TBC1D8B: variants seen among roughly 807,000 people sequenced by gnomAD.
TBC1D8B encodes the protein TBC1 domain family member 8B.
In TBC1D8B, 75 loss-of-function variants were observed where a neutral mutation model predicts 82.9. The ratio of observed to expected loss-of-function variants is 0.90; its 90% CI spans 0.75 to 1.10. TBC1D8B has a LOEUF of 1.10. Among genes scored for constraint, TBC1D8B ranks in the 50% least tolerant of loss-of-function variants. The pLI is 0.00. For missense variants in TBC1D8B, 794 were observed against 796.9 expected (o/e 1.00, Z 0.04); for synonymous variants, 276 against 276.8 (o/e 1.00, Z 0.03).
At chrX:106,825,267 G>T (rs978651631) in intron 5 of TBC1D8B, among the ~76,000 whole-genome samples, 4 of 111,895 alleles carry the variant, frequency 3.6e-5, no homozygotes, top group Admixed American at 9.5e-5. Flanking sequence ...TATGCAGGAA[G>T]AATGAATTTA....
chrX:106,862,748 T>C (rs1243764910), intron 14 of TBC1D8B, among the ~76,000 whole-genome samples: 3 of 107,681 alleles, frequency 2.8e-5, no homozygotes, highest in African/African-American at 1.0e-4. Context: ...ATCTCTGAAG[T>C]TGTTTTCCTT....
intron 7 of TBC1D8B, 196 bp downstream of exon 7, chrX:106,827,533 G>T: frequency 5.1e-6 from 2 of 395,181 alleles, no homozygotes; most frequent in Non-Finnish European, 4.3e-6. Context: ...TTCATTTTTA[G>T]GAACCCATAC....
intron 1 of TBC1D8B, chrX:106,814,213 T>G (rs1448467398): frequency 1.8e-5 from 2 of 111,482 alleles, no homozygotes; most frequent in Non-Finnish European, 3.8e-5. Context: ...CTGTATAGTA[T>G]TCCATGGTGT....
In TBC1D8B at chrX:106,875,554, T is replaced by A. The variant is rs749326466; in HGVS notation, c.*1589T>A. 1 of 112,321 alleles carries A rather than the reference T, an allele frequency of 8.9e-6. No individual in the cohort carries two copies. Among genetic ancestry groups the A allele is most frequent in the East Asian group, 2.8e-4 (1 of 3,587 alleles). The allele number at this position is 112,321 out of a possible 1,213,427, so 9.3% of individuals were successfully genotyped here. On this transcript the variant is annotated 3_prime_UTR_variant, in exon 21 of 21. Transcript: ENST00000357242. ...AGGAAATTACCACTTAAAGAGATAG[T>A]TGGTAAATAAACATCTATGCCTTTT...
At chrX:106,840,538 C>T in intron 9 of TBC1D8B, 132 bp from the exon 10 acceptor site, 2 of 595,204 alleles carry the variant, frequency 3.4e-6, no homozygotes, top group Non-Finnish European at 5.3e-6. Context: ...AAGCTCTTTT[C>T]TGTTTGTGCT....
chrX:106,855,942 G>A (rs986827686), intron 14 of TBC1D8B, among the ~76,000 whole-genome samples: 14 of 111,557 alleles, frequency 1.3e-4, no homozygotes, highest in East Asian at 5.6e-4. Context: ...AAGCTGCGAC[G>A]GGAGGATCAC....
intron 6 of TBC1D8B, 142 bp downstream of exon 6, chrX:106,826,379 T>A (rs934151005): frequency 2.4e-5 from 12 of 510,631 alleles, no homozygotes; most frequent in Non-Finnish European, 3.4e-5. Context: ...TTCTTCAGAA[T>A]AAGAGTACAG....
At chrX:106,854,377 C>A (rs1318046211) in intron 14 of TBC1D8B, 81 bp downstream of exon 14, 3 of 598,413 alleles carry the variant, frequency 5.0e-6, no homozygotes, top group South Asian at 1.1e-4. Context: ...ATCTTCTGGG[C>A]GAATAAAATG....
intron 6 of TBC1D8B, among the ~76,000 whole-genome samples, chrX:106,826,806 G>C (rs1401908086): frequency 9.0e-6 from 1 of 110,821 alleles, no homozygotes; most frequent in African/African-American, 3.3e-5. Context: ...CTTTCAGTAA[G>C]AGCTGTAAGA....
At chrX:106,848,119 G>A in intron 10 of TBC1D8B, 67 bp from the exon 11 acceptor site, 1 of 733,298 alleles carries the variant, frequency 1.4e-6, no homozygotes, top group East Asian at 3.4e-5. Flanking sequence ...AAACTATTAT[G>A]TTTGAAGAAG....
At chrX:106,857,198 G>A (rs1396615090) in intron 14 of TBC1D8B, among the ~76,000 whole-genome samples, 1 of 111,069 alleles carries the variant, frequency 9.0e-6, no homozygotes, top group African/African-American at 3.3e-5. Context: ...TGTCGCCCAG[G>A]CTGGAGTGCA....
chrX:106,821,739 C>A (rs767524600), intron 3 of TBC1D8B, among the ~76,000 whole-genome samples: 2 of 111,850 alleles, frequency 1.8e-5, no homozygotes, highest in South Asian at 7.5e-4. Context: ...TGCATCACTT[C>A]ATTTGAGTGG....
chrX:106,866,211 C>G (rs1348355704), intron 16 of TBC1D8B, among the ~76,000 whole-genome samples, 178 bp downstream of exon 16: 1 of 111,279 alleles, frequency 9.0e-6, no homozygotes, highest in Non-Finnish European at 1.9e-5. Context: ...TTATTTTCCC[C>G]AACCCTTTCA....
rs780663019 is a variant in TBC1D8B, at chrX:106,827,330, G to A, written c.1196G>A (p.Ser399Asn). 2 of 1,209,658 alleles carry A rather than the reference G, an allele frequency of 1.7e-6. No individual in the cohort carries two copies. Among genetic ancestry groups the A allele is most frequent in the Admixed American group, 2.2e-5 (1 of 45,859 alleles). The change falls in exon 7 of 21, where the codon AGC (serine) becomes AAC (asparagine). Residue 399 changes from serine to asparagine, a missense_variant. Coordinates refer to ENST00000357242, the MANE Select transcript of TBC1D8B (RefSeq NM_017752.3). ...GAASTQYHDI[S>N]TELAISSEST... Reference sequence around the variant, plus strand: ...GCTTCAACTCAATATCATGATATTAGCACAGAGGTAATTAATTATACAGCA... The same window carrying A: ...GCTTCAACTCAATATCATGATATTAACACAGAGGTAATTAATTATACAGCA...
chrX:106,869,710 A>T (rs926163825), intron 19 of TBC1D8B, among the ~76,000 whole-genome samples, 169 bp downstream of exon 19: 2 of 112,268 alleles, frequency 1.8e-5, no homozygotes, highest in Non-Finnish European at 3.8e-5. Context: ...ATTATTTTTA[A>T]AAGATTTGTT....
intron 1 of TBC1D8B, among the ~76,000 whole-genome samples, chrX:106,810,736 G>A (rs183624979): frequency 4.0e-3 from 446 of 111,942 alleles, no homozygotes; most frequent in Admixed American, 6.4e-3. Flanking sequence ...GGAAAATCAC[G>A]TAGAGCAACC....
intron 11 of TBC1D8B, among the ~76,000 whole-genome samples, chrX:106,849,040 G>A (rs752901208): frequency 1.9e-5 from 2 of 107,269 alleles, no homozygotes; most frequent in East Asian, 5.8e-4. Flanking sequence ...GCCTCCCAAA[G>A]TGCTGGGATT....
chrX:106,872,467 A>C (rs889492563), intron 20 of TBC1D8B, among the ~76,000 whole-genome samples: 1 of 97,760 alleles, frequency 1.0e-5, no homozygotes, highest in African/African-American at 4.0e-5. Flanking sequence ...ATATATATAT[A>C]TATATATATA....
intron 7 of TBC1D8B, among the ~76,000 whole-genome samples, chrX:106,833,876 C>G (rs1932102858): frequency 9.0e-6 from 1 of 110,635 alleles, no homozygotes; most frequent in South Asian, 3.9e-4. Context: ...ATGAATTTTC[C>G]AACCTGTATT....
Sources: allele counts gnomAD v4.1 joint callset (sites outside exome capture counted in the v4.1 genomes callset), GRCh38; gene constraint gnomAD v4.1.1; transcripts MANE v1.5; gene names NCBI Gene and HGNC (gene_info 2026-07-23, HGNC 2026-07-21).